Variants in APLP2 observed in about 807,000 individuals in gnomAD.
The protein encoded by APLP2 is amyloid beta precursor like protein 2, also known as CDEI box-binding protein.
APLP2 carries 53 observed loss-of-function variants against 89.9 expected under a neutral mutation model. The ratio of observed to expected loss-of-function variants is 0.59; its 90% CI spans 0.47 to 0.74. The LOEUF (loss-of-function observed/expected upper bound fraction) is 0.74. Ranked by LOEUF, APLP2 falls within the 30% of genes least tolerant of loss-of-function variation. The probability of loss-of-function intolerance (pLI) is 0.00; values close to 1 mark genes in which losing one functional copy is unlikely to be tolerated. For synonymous variants in APLP2, 372 were observed against 348.6 expected, an observed-to-expected ratio of 1.07 and a Z score of -0.75; for missense variants, 973 against 975.9, an observed-to-expected ratio of 1.00 and a Z score of 0.04.
At chr11:130,109,793 T>C (rs1387014227) in intron 2 of APLP2, 191 bp downstream of exon 2, 1 of 532,866 alleles carries the variant, frequency 1.9e-6, no homozygotes, top group Non-Finnish European at 3.1e-6. Flanking sequence ...CTGCGTGTTC[T>C]GTGAGCTCTC....
chr11:130,109,429 G>A lies in APLP2; in HGVS notation c.106G>A (p.Ala36Thr), dbSNP rs768100774. 18 of 1,607,710 alleles carry A rather than the reference G, an allele frequency of 1.1e-5. No homozygotes were observed. The highest frequency in any genetic ancestry group is 1.3e-5 in the Non-Finnish European group (15 of 1,177,388). ...PALALAGYIE[A>T]LAANAGTGFA... is the part of the protein sequence containing the mutation. ...CCTGCAATTTTTTTCCCTTTGGTAG[G>A]CTCTTGCAGCCAATGCCGGAACAGG... is the stretch of plus-strand genomic sequence containing the variant. The change falls in exon 2 of 17, where the codon GCT becomes ACT. Residue 36 changes from alanine (A) to threonine (T), a missense_variant and splice_region_variant. Physicochemically the swap from Ala to Thr is moderately conservative, Grantham distance 58. Transcript: ENST00000338167.
chr11:130,083,955 C>G (rs1943672081), intron 1 of APLP2, among the ~76,000 whole-genome samples: 1 of 152,082 alleles, frequency 6.6e-6, no homozygotes, highest in Non-Finnish European at 1.5e-5. Flanking sequence ...TACAGGAGTT[C>G]CGATTTCTCG....
At chr11:130,131,443 G>A (rs775897294) in intron 11 of APLP2, among the ~76,000 whole-genome samples, 1 of 152,148 alleles carries the variant, frequency 6.6e-6, no homozygotes, top group Admixed American at 6.5e-5. Context: ...TCAGAAGCTG[G>A]TTGTTTTGGG....
Position 130,120,619 on chromosome 11 carries a change from G to A in APLP2, c.404-87G>A. On this transcript the variant is annotated intron_variant, in intron 3 of 16. Coordinates refer to ENST00000338167, the MANE Select transcript of APLP2 (RefSeq NM_001142276.2). Reference sequence around the variant, plus strand: ...TATACATGAGACTGCTCCTGGCTGTGTAGACTATCATCATAAACTTCAGTG... The same window carrying A: ...TATACATGAGACTGCTCCTGGCTGTATAGACTATCATCATAAACTTCAGTG... 3.3e-6 allele frequency: 3 copies of A among 921,832 alleles called. No homozygotes were observed. In the South Asian group the frequency reaches 4.1e-5, roughly 12 times the overall value. The allele number at this position is 921,832 out of a possible 1,614,324, so 57.1% of individuals were successfully genotyped here.
At chr11:130,082,177 T>C (rs1943258899) in intron 1 of APLP2, among the ~76,000 whole-genome samples, 4 of 149,056 alleles carry the variant, frequency 2.7e-5, no homozygotes, top group Non-Finnish European at 5.9e-5. Flanking sequence ...ACTCAAAACT[T>C]CATTTTTTTT....
At chr11:130,071,701 T>G (rs1941138836) in intron 1 of APLP2, among the ~76,000 whole-genome samples, 1 of 152,198 alleles carries the variant, frequency 6.6e-6, no homozygotes, top group Admixed American at 6.5e-5. Context: ...AATATGAGAA[T>G]TCATTGTTGT....
At chr11:130,070,628 G>T in intron 1 of APLP2, 1 of 1,452,150 alleles carries the variant, frequency 6.9e-7, no homozygotes, top group South Asian at 1.3e-5. Context: ...GCGAGCCCCG[G>T]GGGAGCTCCC....
At chr11:130,096,812 A>G (rs1234671392) in intron 1 of APLP2, among the ~76,000 whole-genome samples, 1 of 152,084 alleles carries the variant, frequency 6.6e-6, no homozygotes, top group Non-Finnish European at 1.5e-5. Flanking sequence ...CATTCTTTTT[A>G]CTCGAGGGTA....
rs1485376856 is a variant in APLP2, at chr11:130,143,911, T to G, written c.*463T>G. ...AGAAAAAAAAGGCAGTATTCCCTTT[T>G]TAAATGAGCTTTCAGGAAGTTGCTG... On this transcript the variant is annotated 3_prime_UTR_variant, in exon 17 of 17. Transcript: ENST00000338167. 1 of 155,892 alleles carries G rather than the reference T, an allele frequency of 6.4e-6. No homozygotes were observed. The highest frequency in any genetic ancestry group is 1.4e-5 in the Non-Finnish European group (1 of 70,524). 9.7% of individuals were successfully genotyped at this position (155,892 alleles called of 1,614,324 possible).
At chr11:130,130,508 T>G (rs1950819499) in intron 11 of APLP2, among the ~76,000 whole-genome samples, 2 of 152,218 alleles carry the variant, frequency 1.3e-5, no homozygotes, top group South Asian at 4.1e-4. Flanking sequence ...GTCTCTTGTT[T>G]TGTGCAGTAT....
intron 13 of APLP2, among the ~76,000 whole-genome samples, chr11:130,136,420 G>A (rs773946777): frequency 1.1e-4 from 16 of 152,144 alleles, no homozygotes; most frequent in Admixed American, 6.6e-4. Flanking sequence ...AGTAACCCTC[G>A]CAGGTGGGTA....
chr11:130,081,224 T>A (rs1023536917), intron 1 of APLP2, among the ~76,000 whole-genome samples: 9 of 152,230 alleles, frequency 5.9e-5, no homozygotes, highest in African/African-American at 2.2e-4. Flanking sequence ...ATAGCTTTTT[T>A]TGGGATCACA....
At chr11:130,111,643 C>CT (rs1352692753) in intron 3 of APLP2, among the ~76,000 whole-genome samples, 3 of 152,156 alleles carry the variant, frequency 2.0e-5, no homozygotes, top group Admixed American at 2.0e-4. Context: ...TGGCAGTTAA[C>CT]TTTCTTTTAA....
At chr11:130,135,762 A>G (rs1179812685) in intron 13 of APLP2, 47 bp downstream of exon 13, 1 of 1,601,646 alleles carries the variant, frequency 6.2e-7, no homozygotes, top group Admixed American at 1.7e-5. Flanking sequence ...GGGGAGGACA[A>G]AATGAGAGAA....
chr11:130,111,885 G>C (rs1453500461), intron 3 of APLP2, among the ~76,000 whole-genome samples: 1 of 152,182 alleles, frequency 6.6e-6, no homozygotes, highest in Non-Finnish European at 1.5e-5. Context: ...GTAGACAGTG[G>C]ATAGAAAGTG....
Position 130,121,763 on chromosome 11 carries a change from G to GGAAGAGGAAGAT in APLP2, c.677_678insTGAAGAGGAAGA (p.Glu225_Glu226insAspGluGluGlu), listed in dbSNP as rs1949849846. 4 of 1,330,470 alleles carry GGAAGAGGAAGAT rather than the reference G, an allele frequency of 3.0e-6. No homozygotes were observed. Among genetic ancestry groups the GGAAGAGGAAGAT allele is most frequent in the Non-Finnish European group, 4.1e-6 (4 of 968,340 alleles). 82.4% of individuals were successfully genotyped at this position (1,330,470 alleles called of 1,614,324 possible). On this transcript the variant is annotated inframe_insertion, in exon 5 of 17. Transcript: ENST00000338167. ...AAGAAGAGGAAGAGGAAGATGAAGA[G>GGAAGAGGAAGAT]GAAGAGGAAGAGGAAGATGAAGAGG...
At chr11:130,129,949 T>G in intron 10 of APLP2, 89 bp from the exon 11 acceptor site, 3 of 1,461,188 alleles carry the variant, frequency 2.1e-6, no homozygotes, top group South Asian at 1.2e-5. Context: ...GAGCTTTACA[T>G]TCTTAAGTGA....
At chr11:130,099,983 T>A (rs1946692830) in intron 1 of APLP2, among the ~76,000 whole-genome samples, 1 of 152,234 alleles carries the variant, frequency 6.6e-6, no homozygotes, top group South Asian at 2.1e-4. Context: ...CCCTGTTTTG[T>A]AGATTAAAAA....
intron 11 of APLP2, 77 bp from the exon 12 acceptor site, chr11:130,133,552 G>A (rs1056129466): frequency 1.5e-5 from 16 of 1,046,778 alleles, no homozygotes; most frequent in Admixed American, 7.0e-5. Flanking sequence ...AAGTTGTGTC[G>A]ATGTTCCAGC....
Sources: allele counts gnomAD v4.1 joint callset (sites outside exome capture counted in the v4.1 genomes callset), GRCh38; gene constraint gnomAD v4.1.1; transcripts MANE v1.5; gene names NCBI Gene and HGNC (gene_info 2026-07-23, HGNC 2026-07-21).